RMND5A: variants seen among roughly 807,000 people sequenced by gnomAD.
RMND5A encodes the protein required for meiotic nuclear division 5 homolog A.
RMND5A carries 17 observed loss-of-function variants against 49.7 expected under a neutral mutation model. The ratio of observed to expected loss-of-function variants is 0.34; its 90% CI spans 0.23 to 0.51. The LOEUF is 0.51. RMND5A is among the 20% of genes least tolerant of loss of function. The pLI is 0.96. For missense variants in RMND5A, 255 were observed against 471.3 expected, an observed-to-expected ratio of 0.54 and a Z score of 4.25; for synonymous variants, 156 against 167.7, an observed-to-expected ratio of 0.93 and a Z score of 0.54.
chr2:86,756,287 G>A (rs1296868487), intron 4 of RMND5A, among the ~76,000 whole-genome samples: 1 of 152,132 alleles, frequency 6.6e-6, no homozygotes, highest in African/African-American at 2.4e-5. Context: ...GAACTACTCA[G>A]GAGGCTGAAA....
intron 4 of RMND5A, among the ~76,000 whole-genome samples, 165 bp downstream of exon 4, chr2:86,753,723 G>T (rs1206632680): frequency 6.6e-6 from 1 of 152,174 alleles, no homozygotes; most frequent in Admixed American, 6.5e-5. Flanking sequence ...GTGAAATATG[G>T]GGGGTGTGCA....
intron 7 of RMND5A, 111 bp downstream of exon 7, chr2:86,770,236 G>T: frequency 1.2e-6 from 1 of 804,942 alleles, no homozygotes; most frequent in East Asian, 2.6e-5. Context: ...CATTTGACAG[G>T]AGTTCTTTTA....
Position 86,771,584 on chromosome 2 carries a change from C to CTGG in RMND5A, c.986_988dup (p.Trp329dup), listed in dbSNP as rs1672686770. On this transcript the variant is annotated inframe_insertion, in exon 8 of 9. Transcript: ENST00000283632. The stretch of plus-strand genomic sequence containing the variant: ...TTGAAGTGGACCTTGGTAAAAAGTG[C>CTGG]TGGTATCACTCTATATTTGCCTGCC... 6.2e-7 allele frequency: 1 copy of CTGG among 1,604,166 alleles called. No individual in the cohort carries two copies. Among genetic ancestry groups the CTGG allele is most frequent in the Non-Finnish European group, 8.5e-7 (1 of 1,175,962 alleles).
chr2:86,766,090 T>C (rs557610370), intron 6 of RMND5A, 66 bp downstream of exon 6: 26 of 1,372,694 alleles, frequency 1.9e-5, no homozygotes, highest in Non-Finnish European at 2.6e-5. Context: ...TTAACTTGTT[T>C]GGTTCTTGAT....
chr2:86,734,990 A>G (rs1363461256), intron 1 of RMND5A, among the ~76,000 whole-genome samples: 1 of 147,962 alleles, frequency 6.8e-6, no homozygotes, highest in Non-Finnish European at 1.5e-5. Context: ...CATGCAAATG[A>G]AATGACACAA....
At chr2:86,751,533 T>G (rs1681632702) in intron 2 of RMND5A, among the ~76,000 whole-genome samples, 1 of 152,228 alleles carries the variant, frequency 6.6e-6, no homozygotes, top group South Asian at 2.1e-4. Flanking sequence ...TTTCTCCTTT[T>G]TTCCCCTCCC....
rs866559762 is a variant in RMND5A, at chr2:86,775,550, T to G, written c.*2139T>G. ...AAAAGCCAGAGCTCAGCTTTATCCC[T>G]CTCCCAGTGCTGGGAGCCAAAAAAC... is the stretch of plus-strand genomic sequence containing the variant. On this transcript the variant is annotated 3_prime_UTR_variant, in exon 9 of 9. Coordinates refer to ENST00000283632, the MANE Select transcript of RMND5A (RefSeq NM_022780.4). 6.6e-6 allele frequency: 1 copy of G among 151,920 alleles called. No individual in the cohort carries two copies. 9.4% of individuals were successfully genotyped at this position (151,920 alleles called of 1,614,324 possible).
intron 4 of RMND5A, among the ~76,000 whole-genome samples, chr2:86,764,256 TAATATA>T (rs1672555485): frequency 1.3e-5 from 2 of 152,198 alleles, no homozygotes; most frequent in African/African-American, 4.8e-5. Context: ...TTCTATATAT[TAATATA>T]TTTAGAGAAA....
intron 6 of RMND5A, among the ~76,000 whole-genome samples, chr2:86,768,138 T>G (rs1296798605): frequency 6.6e-6 from 1 of 152,248 alleles, no homozygotes; most frequent in African/African-American, 2.4e-5. Context: ...GTTTCTCATT[T>G]TAATTTCTAA....
chr2:86,756,769 G>C (rs895089965), intron 4 of RMND5A, among the ~76,000 whole-genome samples: 1 of 152,164 alleles, frequency 6.6e-6, no homozygotes, highest in South Asian at 2.1e-4. Flanking sequence ...CATCCCATTT[G>C]TTCCTGCTGG....
chr2:86,752,030 G>A lies in RMND5A; in HGVS notation c.420G>A (p.Gln140=). 6.2e-7 allele frequency: 1 copy of A among 1,613,318 alleles called. No individual in the cohort carries two copies. The highest frequency in any genetic ancestry group is 8.5e-7 in the Non-Finnish European group (1 of 1,179,638). ...TGGATGTGGCTGAGGAGCTCTGTCAGGTAACAGTGTGCCAACTGGGAGGAT... is the reference window on the plus strand; with the variant it reads ...TGGATGTGGCTGAGGAGCTCTGTCAAGTAACAGTGTGCCAACTGGGAGGAT... The part of the protein sequence containing the change: ...GMLDVAEELC[Q]ESGLSVDPSQ... Residue 140 remains glutamine (Q), a splice_region_variant and synonymous_variant, in exon 3 of 9, where the codon CAG becomes CAA. Transcript: ENST00000283632.
chr2:86,751,143 G>T (rs1681627105), intron 2 of RMND5A, among the ~76,000 whole-genome samples: 1 of 152,170 alleles, frequency 6.6e-6, no homozygotes, highest in Non-Finnish European at 1.5e-5. Context: ...GTTCTGTGGA[G>T]AGTGTTGGTA....
At position 86,776,124 on chromosome 2, in the gene RMND5A, A is replaced by T. The variant is rs1672764888; in HGVS notation, c.*2713A>T. The T allele has an allele frequency of 6.6e-6, 1 of 152,238 alleles. No homozygotes were observed. Among genetic ancestry groups the T allele is most frequent in the African/African-American group, 2.4e-5 (1 of 41,464 alleles). The allele number at this position is 152,238 out of a possible 1,614,324, so 9.4% of individuals were successfully genotyped here. On this transcript the variant is annotated 3_prime_UTR_variant, in exon 9 of 9. Transcript: ENST00000283632. ...AAGGCCATGGGACTATGCTAAACCAATAAAACCTTATTAGCAAATCTTTAG... is the reference window on the plus strand; with the variant it reads ...AAGGCCATGGGACTATGCTAAACCATTAAAACCTTATTAGCAAATCTTTAG...
chr2:86,765,848 G>C lies in RMND5A; in HGVS notation c.689-11G>C, dbSNP rs1672582248. On this transcript the variant is annotated splice_polypyrimidine_tract_variant and intron_variant, in intron 5 of 8. Coordinates refer to ENST00000283632, the MANE Select transcript of RMND5A (RefSeq NM_022780.4). ...AGCAAACTAATGCTTTCTTGCTGGT[G>C]CTTTTTTTAGACATTCAGGTTTTGA... is the stretch of plus-strand genomic sequence containing the variant. 6.2e-7 allele frequency: 1 copy of C among 1,612,192 alleles called. No homozygotes were observed. Among genetic ancestry groups the C allele is most frequent in the East Asian group, 2.2e-5 (1 of 44,842 alleles).
chr2:86,755,132 A>G (rs1178393774), intron 4 of RMND5A, among the ~76,000 whole-genome samples: 1 of 147,456 alleles, frequency 6.8e-6, no homozygotes, highest in East Asian at 2.0e-4. Context: ...TTTTTTTCCC[A>G]AAGAGACAGA....
chr2:86,742,661 G>A (rs1681468645), intron 2 of RMND5A, among the ~76,000 whole-genome samples: 1 of 152,012 alleles, frequency 6.6e-6, no homozygotes, highest in Non-Finnish European at 1.5e-5. Flanking sequence ...ACTACTGGTG[G>A]TGTCTAAGAA....
At chr2:86,751,334 G>GA (rs1681629524) in intron 2 of RMND5A, among the ~76,000 whole-genome samples, 2 of 152,136 alleles carry the variant, frequency 1.3e-5, no homozygotes, top group South Asian at 4.1e-4. Flanking sequence ...CTATTCCCTA[G>GA]TTCAGTTTTC....
At chr2:86,750,720 T>C (rs1459942874) in intron 2 of RMND5A, among the ~76,000 whole-genome samples, 2 of 152,014 alleles carry the variant, frequency 1.3e-5, no homozygotes, top group African/African-American at 4.8e-5. Context: ...AGTATTCCGA[T>C]GACACACACG....
intron 4 of RMND5A, among the ~76,000 whole-genome samples, chr2:86,754,640 C>T (rs1286467763): frequency 1.3e-5 from 2 of 152,110 alleles, no homozygotes; most frequent in Non-Finnish European, 2.9e-5. Flanking sequence ...AATCATGGCT[C>T]ACTCCAGCCC....
Sources: gnomAD v4.1 joint callset for allele counts (sites outside exome capture counted in the v4.1 genomes callset) on GRCh38, gnomAD v4.1.1 for gene constraint, MANE v1.5 for transcripts, NCBI Gene and HGNC (gene_info 2026-07-23, HGNC 2026-07-21) for gene names.